NXPH1: variants seen among roughly 807,000 people sequenced by gnomAD.
NXPH1 encodes neurexophilin 1.
Under a neutral mutation model 23.7 loss-of-function variants are expected in NXPH1, and 5 were observed. The observed-to-expected ratio is 0.21, with a 90% CI of 0.11 to 0.44. The LOEUF (loss-of-function observed/expected upper bound fraction) is 0.44. NXPH1 is among the 20% of genes least tolerant of loss of function. The pLI, the probability that NXPH1 is intolerant of heterozygous loss-of-function variation, is 0.99. For synonymous variants in NXPH1, 144 were observed against 122.2 expected, an observed-to-expected ratio of 1.18 and a Z score of -1.18; for missense variants, 324 against 321.6, an observed-to-expected ratio of 1.01 and a Z score of -0.06.
At chr7:8,507,058 A>G (rs1300004114) in intron 2 of NXPH1, among the ~76,000 whole-genome samples, 4 of 149,836 alleles carry the variant, frequency 2.7e-5, no homozygotes, top group African/African-American at 1.0e-4. Context: ...GCCAAATGGG[A>G]AGCTATGCAA....
At chr7:8,692,685 C>G (rs974296460) in intron 2 of NXPH1, among the ~76,000 whole-genome samples, 1 of 152,168 alleles carries the variant, frequency 6.6e-6, no homozygotes. Flanking sequence ...TCCATATTGA[C>G]TGGGTGCTTT....
rs547302408 is a variant in NXPH1, at chr7:8,500,837, C to T, written c.54+65070C>T. Among the ~76,000 whole-genome samples the T allele has an allele frequency of 1.7e-3, 258 of 152,140 alleles. 1 individual carries two copies. Among genetic ancestry groups the T allele is most frequent in the African/African-American group, 5.6e-3 (234 of 41,524 alleles). ...TTTGATGCAGGTCTTCTCAGTTGGT[C>T]CTCCCATTTTTCAGACATGTGATCA... is the stretch of plus-strand genomic sequence containing the variant. On this transcript the variant is annotated intron_variant, in intron 2 of 2. Transcript: ENST00000405863.
chr7:8,586,098 C>G (rs1203489621), intron 2 of NXPH1, among the ~76,000 whole-genome samples: 2 of 152,146 alleles, frequency 1.3e-5, no homozygotes, highest in Admixed American at 1.3e-4. Context: ...CTTGAACGAT[C>G]TCATCATGAA....
intron 2 of NXPH1, among the ~76,000 whole-genome samples, chr7:8,436,103 C>T (rs1266627458): frequency 1.3e-5 from 2 of 152,144 alleles, no homozygotes; most frequent in Non-Finnish European, 1.5e-5. Flanking sequence ...CTCTCAGTAG[C>T]TCATGCACAG....
At chr7:8,567,161 C>T (rs1429870022) in intron 2 of NXPH1, among the ~76,000 whole-genome samples, 1 of 151,820 alleles carries the variant, frequency 6.6e-6, no homozygotes, top group African/African-American at 2.4e-5. Context: ...CTTATGTTTC[C>T]AACTCTAAAT....
At chr7:8,448,160 C>A (rs1563312979) in intron 2 of NXPH1, among the ~76,000 whole-genome samples, 2 of 152,202 alleles carry the variant, frequency 1.3e-5, no homozygotes, top group African/African-American at 4.8e-5. Context: ...CTTCTCAAAT[C>A]CTCAATTTCC....
chr7:8,707,336 C>A (rs577575753), intron 2 of NXPH1, among the ~76,000 whole-genome samples: 3 of 152,124 alleles, frequency 2.0e-5, no homozygotes, highest in Non-Finnish European at 4.4e-5. Flanking sequence ...CCTTTAATTC[C>A]TGACAACATT....
At chr7:8,552,592 A>G (rs945545453) in intron 2 of NXPH1, among the ~76,000 whole-genome samples, 2 of 151,476 alleles carry the variant, frequency 1.3e-5, no homozygotes, top group East Asian at 3.9e-4. Flanking sequence ...GTGTAGAGTT[A>G]TGATTTCTTG....
chr7:8,625,462 A>T (rs1031825015), intron 2 of NXPH1, among the ~76,000 whole-genome samples: 18 of 152,170 alleles, frequency 1.2e-4, no homozygotes, highest in African/African-American at 4.3e-4. Context: ...CATTCTGCTT[A>T]AATGACAAAC....
At chr7:8,511,976 C>T (rs912567213) in intron 2 of NXPH1, among the ~76,000 whole-genome samples, 1 of 152,144 alleles carries the variant, frequency 6.6e-6, no homozygotes, top group African/African-American at 2.4e-5. Flanking sequence ...GCCCTTGGCG[C>T]TCAGCCAGGG....
At chr7:8,451,496 C>T (rs748071256) in intron 2 of NXPH1, among the ~76,000 whole-genome samples, 36 of 152,174 alleles carry the variant, frequency 2.4e-4, no homozygotes, top group Non-Finnish European at 2.9e-5. Context: ...CCAAGTTTTT[C>T]TGTCTTTGGA....
At chr7:8,657,127 T>C (rs551720323) in intron 2 of NXPH1, among the ~76,000 whole-genome samples, 1 of 152,364 alleles carries the variant, frequency 6.6e-6, no homozygotes, top group South Asian at 2.1e-4. Context: ...GTTTAATTTA[T>C]TTCTTAGTCT....
intron 2 of NXPH1, among the ~76,000 whole-genome samples, chr7:8,739,448 T>G (rs1235292872): frequency 6.6e-6 from 1 of 152,066 alleles, no homozygotes; most frequent in Non-Finnish European, 1.5e-5. Flanking sequence ...CACCCCACCC[T>G]GCTTCTGATT....
At chr7:8,642,766 C>T (rs1820338061) in intron 2 of NXPH1, among the ~76,000 whole-genome samples, 1 of 152,154 alleles carries the variant, frequency 6.6e-6, no homozygotes, top group African/African-American at 2.4e-5. Context: ...AGAATAGTAA[C>T]TGCAAACAGC....
At chr7:8,652,429 T>C (rs1820504167) in intron 2 of NXPH1, among the ~76,000 whole-genome samples, 1 of 152,200 alleles carries the variant, frequency 6.6e-6, no homozygotes, top group African/African-American at 2.4e-5. Flanking sequence ...ATTTATATCA[T>C]ACTTATTTCC....
At chr7:8,522,943 C>A (rs1274655591) in intron 2 of NXPH1, among the ~76,000 whole-genome samples, 1 of 152,180 alleles carries the variant, frequency 6.6e-6, no homozygotes, top group Non-Finnish European at 1.5e-5. Flanking sequence ...GACAGATGAA[C>A]CTGAATTTCA....
chr7:8,620,115 G>A (rs1819834512), intron 2 of NXPH1, among the ~76,000 whole-genome samples: 1 of 152,096 alleles, frequency 6.6e-6, no homozygotes, highest in African/African-American at 2.4e-5. Context: ...TCTCACCTCA[G>A]TGCAACACAG....
At chr7:8,746,710 C>G in intron 2 of NXPH1, among the ~76,000 whole-genome samples, 1 of 151,718 alleles carries the variant, frequency 6.6e-6, no homozygotes, top group East Asian at 1.9e-4. Flanking sequence ...TGAGTTCTAC[C>G]CTCTTAACAA....
chr7:8,468,932 G>C (rs2057862), intron 2 of NXPH1, among the ~76,000 whole-genome samples: 63,060 of 151,694 alleles, frequency 0.42, 13,411 homozygotes, highest in East Asian at 0.62. Flanking sequence ...ATTTTTAAGA[G>C]TGTTAAATTT....
Sources: gnomAD v4.1 joint callset for allele counts (sites outside exome capture counted in the v4.1 genomes callset) on GRCh38, gnomAD v4.1.1 for gene constraint, MANE v1.5 for transcripts, NCBI Gene and HGNC (gene_info 2026-07-23, HGNC 2026-07-21) for gene names.